Variants in SAMSN1 observed in about 807,000 individuals in gnomAD.
SAMSN1 encodes the protein SAM domain, SH3 domain and nuclear localization signals 1.
A neutral mutation model predicts 42.0 loss-of-function variants in SAMSN1; 31 were observed. The observed-to-expected ratio is 0.74, with a 90% CI of 0.55 to 1.00. The LOEUF (loss-of-function observed/expected upper bound fraction) is 1.00. Among genes scored for constraint, SAMSN1 ranks in the 50% least tolerant of loss-of-function variants. The pLI is 0.00. For synonymous variants in SAMSN1, 178 were observed against 151.9 expected (o/e 1.17, Z -1.26); for missense variants, 464 against 439.4 (o/e 1.06, Z -0.50).
chr21:14,557,959 G>GA (rs1294025492), intron 2 of SAMSN1, among the ~76,000 whole-genome samples: 1 of 152,222 alleles, frequency 6.6e-6, no homozygotes, highest in East Asian at 1.9e-4. Context: ...CCTGTGGTGT[G>GA]ATGAGAGCAT....
At position 14,536,141 on chromosome 21, in the gene SAMSN1, T is replaced by C. The variant is rs73161241; in HGVS notation, c.57+10064A>G. On this transcript the variant is annotated intron_variant, in intron 1 of 7. Transcript: ENST00000400566. Reference sequence around the variant, plus strand: ...GAAAGTTCATCGAAATCTTTAACACTAGAAAGGAGGAGAAATGGATCAGTT... The same window carrying C: ...GAAAGTTCATCGAAATCTTTAACACCAGAAAGGAGGAGAAATGGATCAGTT... 8.2e-4 allele frequency among the ~76,000 whole-genome samples: 125 copies of C among 152,210 alleles called. No homozygotes were observed. The Middle Eastern group carries it at 0.014, about 17-fold the overall frequency.
Position 14,602,125 on chromosome 21 carries a change from A to T in SAMSN1, c.323-26T>A, listed in dbSNP as rs1485378921. 8.3e-6 allele frequency: 5 copies of T among 600,262 alleles called. No homozygotes were observed. The East Asian group carries it at 1.4e-4, about 17-fold the overall frequency. The allele number at this position is 600,262 out of a possible 1,614,324, so 37.2% of individuals were successfully genotyped here. ...CTAAGAAAAGAGATAACTGTTACAT[A>T]CAGAATATCAGACATTACAGGATTT... On this transcript the variant is annotated intron_variant, in intron 5 of 15. Coordinates refer to the SAMSN1 transcript ENST00000647101.
intron 2 of SAMSN1, among the ~76,000 whole-genome samples, chr21:14,641,942 C>T (rs904590349): frequency 3.8e-4 from 58 of 152,064 alleles, no homozygotes; most frequent in African/African-American, 1.3e-3. Context: ...AATAGTCAAT[C>T]GATACACATG....
At chr21:14,624,106 C>G (rs1022389890) in intron 2 of SAMSN1, among the ~76,000 whole-genome samples, 1 of 152,140 alleles carries the variant, frequency 6.6e-6, no homozygotes, top group East Asian at 1.9e-4. Context: ...ATACCAGAAT[C>G]TCTGGGACAC....
intron 4 of SAMSN1, 62 bp from the exon 5 acceptor site, chr21:14,510,523 G>C: frequency 6.4e-7 from 1 of 1,568,426 alleles, no homozygotes; most frequent in Non-Finnish European, 8.8e-7. Context: ...ATCATCATCT[G>C]GACACAACTA....
Position 14,621,478 on chromosome 21 carries a change from C to T in SAMSN1, c.157-5462G>A, listed in dbSNP as rs772530363. ...GCACTTTTCCAACAGTCTTAGCAAA[C>T]GGCACTCCAGGAGATTATATCCCAC... On this transcript the variant is annotated intron_variant, in intron 2 of 15. Coordinates refer to the SAMSN1 transcript ENST00000647101. Among the ~76,000 whole-genome samples the T allele has an allele frequency of 4.0e-4, 61 of 152,300 alleles. 1 individual carries two copies. Among genetic ancestry groups the T allele is most frequent in the Non-Finnish European group, 7.6e-4 (52 of 68,022 alleles).
intron 5 of SAMSN1, among the ~76,000 whole-genome samples, chr21:14,605,581 C>T (rs1982543101): frequency 1.3e-5 from 2 of 151,968 alleles, no homozygotes; most frequent in South Asian, 4.1e-4. Flanking sequence ...ATCAGACCAA[C>T]AAAGAAAAAT....
Position 14,631,397 on chromosome 21 carries a change from G to A in SAMSN1, c.156+11605C>T, listed in dbSNP as rs183742058. ...GAGTTTAAAGAACTTGTCCAAGGTG[G>A]GATTTGTTTGTTTGTTTGTTTTTTT... On this transcript the variant is annotated intron_variant, in intron 2 of 15. Transcript: ENST00000647101. Among the ~76,000 whole-genome samples the A allele has an allele frequency of 2.0e-4, 31 of 151,902 alleles. 1 individual carries two copies. In the East Asian group the frequency reaches 6.0e-3, roughly 29 times the overall value.
intron 5 of SAMSN1, among the ~76,000 whole-genome samples, chr21:14,608,650 T>C (rs576104956): frequency 1.3e-5 from 2 of 152,178 alleles, no homozygotes; most frequent in South Asian, 4.2e-4. Context: ...GCAGCACAGC[T>C]TGCAGCCTCG....
chr21:14,618,716 G>GTT (rs1982921748), intron 2 of SAMSN1, among the ~76,000 whole-genome samples: 1 of 151,156 alleles, frequency 6.6e-6, no homozygotes, highest in African/African-American at 2.5e-5. Context: ...GCGCGTGTGT[G>GTT]TGTGTGTGTG....
At chr21:14,509,092 G>A (rs1257900073) in intron 5 of SAMSN1, among the ~76,000 whole-genome samples, 1 of 151,482 alleles carries the variant, frequency 6.6e-6, no homozygotes, top group African/African-American at 2.4e-5. Flanking sequence ...CTCCAGCCTG[G>A]TGACAGAGCA....
At chr21:14,622,033 G>A (rs911923325) in intron 2 of SAMSN1, among the ~76,000 whole-genome samples, 1 of 152,222 alleles carries the variant, frequency 6.6e-6, no homozygotes, top group African/African-American at 2.4e-5. Flanking sequence ...TGGACCTCCA[G>A]CAAACACCAA....
chr21:14,505,239 G>A (rs937661821), intron 5 of SAMSN1, among the ~76,000 whole-genome samples: 1 of 152,152 alleles, frequency 6.6e-6, no homozygotes, highest in Admixed American at 6.5e-5. Context: ...GAATGGAATA[G>A]TACCTCATAT....
upstream of SAMSN1, among the ~76,000 whole-genome samples, chr21:14,547,192 T>G (rs1438049572): frequency 1.3e-5 from 2 of 152,214 alleles, no homozygotes; most frequent in Non-Finnish European, 2.9e-5. Context: ...TCTAATGTAT[T>G]AAGATGTTGT....
upstream of SAMSN1, among the ~76,000 whole-genome samples, chr21:14,550,072 A>G (rs1568804630): frequency 6.6e-6 from 1 of 152,084 alleles, no homozygotes; most frequent in Non-Finnish European, 1.5e-5. Context: ...ACCCTCCTCT[A>G]GTTATCTAGC....
intron 4 of SAMSN1, chr21:14,612,814 G>T (rs552086359): frequency 7.3e-4 from 496 of 680,620 alleles, no homozygotes; most frequent in African/African-American, 5.0e-3. Flanking sequence ...AGGAGCAGGA[G>T]AAAAGAACTT....
intron 5 of SAMSN1, among the ~76,000 whole-genome samples, chr21:14,509,310 C>T (rs1485449333): frequency 6.6e-6 from 1 of 152,048 alleles, no homozygotes; most frequent in Non-Finnish European, 1.5e-5. Flanking sequence ...CAATGGAAAA[C>T]CAAACATCGT....
chr21:14,532,394 C>T (rs1318103895), intron 1 of SAMSN1, among the ~76,000 whole-genome samples: 2 of 152,116 alleles, frequency 1.3e-5, no homozygotes, highest in African/African-American at 4.8e-5. Flanking sequence ...GGTATGTCAT[C>T]CCAAATAGAG....
chr21:14,527,413 G>A (rs1978935220), intron 1 of SAMSN1, among the ~76,000 whole-genome samples: 2 of 152,130 alleles, frequency 1.3e-5, no homozygotes, highest in African/African-American at 2.4e-5. Flanking sequence ...GGAAACTGAC[G>A]GCTAAAAGAC....
Sources: gnomAD v4.1 joint callset for allele counts (sites outside exome capture counted in the v4.1 genomes callset) on GRCh38, gnomAD v4.1.1 for gene constraint, MANE v1.5 for transcripts, NCBI Gene and HGNC (gene_info 2026-07-23, HGNC 2026-07-21) for gene names.